AGBL3: variants seen among roughly 807,000 people sequenced by gnomAD.
AGBL3 encodes the protein cytosolic carboxypeptidase 3.
Under a neutral mutation model 94.5 loss-of-function variants are expected in AGBL3, and 68 were observed. The ratio of observed to expected loss-of-function variants is 0.72; its 90% CI spans 0.59 to 0.88. The LOEUF (loss-of-function observed/expected upper bound fraction) is 0.88, where lower values mean the gene tolerates loss of function less well. Among genes scored for constraint, AGBL3 ranks in the 40% least tolerant of loss-of-function variants. The probability of loss-of-function intolerance (pLI) is 0.00; values close to 1 mark genes in which losing one functional copy is unlikely to be tolerated. For synonymous variants in AGBL3, 354 were observed against 370.7 expected, an observed-to-expected ratio of 0.95 and a Z score of 0.52; for missense variants, 934 against 1,103.8, an observed-to-expected ratio of 0.85 and a Z score of 2.18.
In AGBL3 at chr7:135,037,353, A is replaced by G. The variant is rs749390396; in HGVS notation, c.1338-65A>G. 127 of 1,355,802 alleles carry G rather than the reference A, an allele frequency of 9.4e-5. 1 individual carries two copies. The highest frequency in any genetic ancestry group is 2.1e-4 in the Admixed American group (7 of 33,760). The allele number at this position is 1,355,802 out of a possible 1,614,324, so 84.0% of individuals were successfully genotyped here. On this transcript the variant is annotated intron_variant, in intron 7 of 16. Transcript: ENST00000436302. ...ATTTGGATATTACACTTATAAATCC[A>G]TAGTTGTACCTATAGAAGAAAAATG...
chr7:135,115,688 T>A, intron 16 of AGBL3, 77 bp downstream of exon 16: 2 of 1,234,804 alleles, frequency 1.6e-6, no homozygotes, highest in East Asian at 2.6e-5. Context: ...TAATTTATTA[T>A]CCTACGAAAA....
At chr7:135,108,448 T>C (rs1015608170) in intron 15 of AGBL3, among the ~76,000 whole-genome samples, 2 of 152,210 alleles carry the variant, frequency 1.3e-5, no homozygotes, top group Admixed American at 6.5e-5. Context: ...TGGATCTTAT[T>C]TCTCCTTCAC....
intron 4 of AGBL3, chr7:135,010,924 A>G (rs1197536369): frequency 1.3e-5 from 2 of 152,212 alleles, no homozygotes; most frequent in Non-Finnish European, 2.9e-5. Flanking sequence ...CCCATGCAAT[A>G]CCAGTCAAAA....
chr7:135,022,899 A>C (rs766628642), intron 5 of AGBL3, among the ~76,000 whole-genome samples: 12 of 152,032 alleles, frequency 7.9e-5, no homozygotes, highest in Non-Finnish European at 1.5e-4. Context: ...GCTTTATTCC[A>C]TCTGTTATTT....
chr7:134,988,720 C>T (rs1809819580), intron 2 of AGBL3, among the ~76,000 whole-genome samples: 1 of 152,040 alleles, frequency 6.6e-6, no homozygotes, highest in Non-Finnish European at 1.5e-5. Context: ...TCACTGCAAC[C>T]TCTGCCTCCT....
chr7:135,014,897 C>T (rs572624655), intron 4 of AGBL3, among the ~76,000 whole-genome samples: 2 of 152,236 alleles, frequency 1.3e-5, no homozygotes, highest in African/African-American at 4.8e-5. Context: ...TTTCACAGCT[C>T]GAGTTTGCAG....
chr7:135,080,744 G>GTTT (rs11409204), intron 14 of AGBL3, among the ~76,000 whole-genome samples: 17 of 136,932 alleles, frequency 1.2e-4, no homozygotes, highest in South Asian at 4.5e-4. Flanking sequence ...TAGCATCTCT[G>GTTT]TTTTTTTTTT....
intron 16 of AGBL3, among the ~76,000 whole-genome samples, chr7:135,130,326 T>C (rs919883892): frequency 2.0e-5 from 3 of 152,304 alleles, no homozygotes; most frequent in African/African-American, 7.2e-5. Flanking sequence ...CCACAAACGC[T>C]ATGGGGCACT....
chr7:135,072,125 A>AGAG (rs1819973046), intron 12 of AGBL3, among the ~76,000 whole-genome samples: 2 of 152,264 alleles, frequency 1.3e-5, no homozygotes, highest in Admixed American at 1.3e-4. Flanking sequence ...CACTTCTCAA[A>AGAG]AGAAGACATT....
intron 4 of AGBL3, among the ~76,000 whole-genome samples, chr7:134,999,707 T>C (rs1811473255): frequency 6.6e-6 from 1 of 152,250 alleles, no homozygotes; most frequent in Non-Finnish European, 1.5e-5. Flanking sequence ...ACCCATCTAT[T>C]TGACCATATG....
rs539851147 is a variant in AGBL3 at position 135,007,001 on chromosome 7, T to C, written c.311-10051T>C. ...CTCAAGAGGAAATAGAACATCTAAA[T>C]AGACATATAACAAGTAAAGAGATTT... On this transcript the variant is annotated intron_variant, in intron 4 of 16. Coordinates refer to ENST00000436302, the MANE Select transcript of AGBL3 (RefSeq NM_178563.4). Among the ~76,000 whole-genome samples, 8 of 152,012 alleles carry C rather than the reference T, an allele frequency of 5.3e-5. No individual in the cohort carries two copies. In the South Asian group the frequency reaches 1.7e-3, roughly 32 times the overall value.
At chr7:135,001,992 C>T (rs559277660) in intron 4 of AGBL3, among the ~76,000 whole-genome samples, 91 of 152,264 alleles carry the variant, frequency 6.0e-4, no homozygotes, top group African/African-American at 2.1e-3. Flanking sequence ...CTACTTCACA[C>T]CATGGGTGGC....
intron 16 of AGBL3, among the ~76,000 whole-genome samples, chr7:135,119,013 C>A (rs1056727823): frequency 6.6e-6 from 1 of 152,132 alleles, no homozygotes; most frequent in Non-Finnish European, 1.5e-5. Flanking sequence ...AATAGAGCTG[C>A]AGGCACCTGT....
chr7:135,034,946 T>A lies in AGBL3; in HGVS notation c.1337+18T>A. 1 of 1,467,634 alleles carries A rather than the reference T, an allele frequency of 6.8e-7. No homozygotes were observed. The highest frequency in any genetic ancestry group is 1.4e-5 in the African/African-American group (1 of 70,690). The allele number at this position is 1,467,634 out of a possible 1,614,324, so 90.9% of individuals were successfully genotyped here. A position where few individuals can be genotyped will look rare whatever the true frequency, so the allele number is the denominator to read the frequency against. ...GTTCATAGGTAAAATAAGCCTCAAATTACCTCTGTGCTTATTTAGTAAACT... is the reference window on the plus strand; with the variant it reads ...GTTCATAGGTAAAATAAGCCTCAAAATACCTCTGTGCTTATTTAGTAAACT... On this transcript the variant is annotated intron_variant, in intron 7 of 16. Transcript: ENST00000436302.
At chr7:135,006,221 AT>A (rs1263837258) in intron 4 of AGBL3, among the ~76,000 whole-genome samples, 1 of 151,622 alleles carries the variant, frequency 6.6e-6, no homozygotes, top group African/African-American at 2.4e-5. Flanking sequence ...TTTTATTTTT[AT>A]TTTTTTTAAA....
chr7:135,098,861 T>C (rs1585102877), intron 15 of AGBL3, among the ~76,000 whole-genome samples: 1 of 152,302 alleles, frequency 6.6e-6, no homozygotes, highest in South Asian at 2.1e-4. Flanking sequence ...AGGTCTTATC[T>C]ATAACCTAAG....
chr7:134,998,957 C>G (rs1811358003), intron 4 of AGBL3, among the ~76,000 whole-genome samples: 1 of 152,158 alleles, frequency 6.6e-6, no homozygotes, highest in South Asian at 2.1e-4. Flanking sequence ...TCTTGTCCCC[C>G]TCATGTTGAA....
chr7:135,032,728 C>T, intron 5 of AGBL3, 116 bp from the exon 6 acceptor site: 5 of 903,334 alleles, frequency 5.5e-6, no homozygotes, highest in East Asian at 3.1e-5. Context: ...AATTAGTGTC[C>T]AGTTACTTTA....
At chr7:135,066,320 C>T (rs1270655844) in intron 12 of AGBL3, among the ~76,000 whole-genome samples, 1 of 152,220 alleles carries the variant, frequency 6.6e-6, no homozygotes, top group Non-Finnish European at 1.5e-5. Flanking sequence ...GGGCTAAGTA[C>T]TTGAATAGAC....
Sources: allele counts gnomAD v4.1 joint callset (sites outside exome capture counted in the v4.1 genomes callset), GRCh38; gene constraint gnomAD v4.1.1; transcripts MANE v1.5; gene names NCBI Gene and HGNC (gene_info 2026-07-23, HGNC 2026-07-21).